The following CCDC66 variants were observed in gnomAD, a reference collection of about 807,000 sequenced individuals.
The protein encoded by CCDC66 is coiled-coil domain containing 66, also known as coiled-coil domain-containing protein 66.
Under a neutral mutation model 128.3 loss-of-function variants are expected in CCDC66, and 133 were observed. That is an observed-to-expected ratio of 1.04 (90% CI 0.90 to 1.20). The LOEUF is 1.20. CCDC66 is among the 50% of genes most tolerant of loss of function. The pLI is 0.00. For missense variants in CCDC66, 1,126 were observed against 1,075.5 expected (o/e 1.05, Z -0.66); for synonymous variants, 387 against 357.0 (o/e 1.08, Z -0.95).
At position 56,601,921 on chromosome 3, in the gene CCDC66, A is replaced by G. The variant is rs140948433; in HGVS notation, c.1404+7893A>G. ...ACAATCATGTCATCTGCAAACAGAG[A>G]CAACTTAACTTCCTCTTTTCCTATT... is the stretch of plus-strand genomic sequence containing the variant. On this transcript the variant is annotated intron_variant, in intron 10 of 17. Transcript: ENST00000394672. Among the ~76,000 whole-genome samples the G allele has an allele frequency of 1.6e-3, 242 of 152,250 alleles. No individual in the cohort carries two copies. The South Asian group carries it at 0.018, about 12-fold the overall frequency.
At chr3:56,613,789 TTG>T (rs2075155544) in intron 11 of CCDC66, 39 bp downstream of exon 11, 10 of 1,557,178 alleles carry the variant, frequency 6.4e-6, no homozygotes, top group African/African-American at 1.4e-5. Context: ...TGGTTTTTGT[TTG>T]TGTTTTTGAG....
intron 7 of CCDC66, among the ~76,000 whole-genome samples, chr3:56,587,669 G>A (rs1182622676): frequency 6.6e-6 from 1 of 152,122 alleles, no homozygotes; most frequent in Non-Finnish European, 1.5e-5. Context: ...TCAGGAGTTC[G>A]AGACCAGCCT....
intron 14 of CCDC66, chr3:56,617,952 A>G (rs758729400): frequency 1.6e-4 from 94 of 587,090 alleles, no homozygotes; most frequent in Non-Finnish European, 2.7e-4. Flanking sequence ...CCCCTTTAAA[A>G]CCCTTGTTTA....
At chr3:56,590,104 G>T (rs2070600348) in intron 7 of CCDC66, among the ~76,000 whole-genome samples, 1 of 152,096 alleles carries the variant, frequency 6.6e-6, no homozygotes, top group Non-Finnish European at 1.5e-5. Flanking sequence ...TTTTCTGCGT[G>T]GCCAGTAGAC....
intron 9 of CCDC66, 59 bp downstream of exon 9, chr3:56,593,800 CTGT>C (rs1363559897): frequency 1.3e-6 from 2 of 1,592,878 alleles, no homozygotes; most frequent in African/African-American, 1.3e-5. Flanking sequence ...TTTAGTAAGA[CTGT>C]TGTTATGTCT....
Position 56,604,626 on chromosome 3 carries a change from C to T in CCDC66, c.1405-8963C>T, listed in dbSNP as rs191845094. Among the ~76,000 whole-genome samples, 213 of 151,670 alleles carry T rather than the reference C, an allele frequency of 1.4e-3. 7 individuals carry two copies. The highest frequency in any genetic ancestry group is 5.0e-3 in the African/African-American group (205 of 41,184). On this transcript the variant is annotated intron_variant, in intron 10 of 17. Coordinates refer to ENST00000394672, the MANE Select transcript of CCDC66 (RefSeq NM_001141947.3). ...TATTGGCCCCAACTCTCTCCTGGCT[C>T]GTAGAGTTTCTGCAGAGAGATCCGC...
chr3:56,588,726 T>TA (rs1366588574), intron 7 of CCDC66, among the ~76,000 whole-genome samples: 1 of 152,178 alleles, frequency 6.6e-6, no homozygotes, highest in East Asian at 1.9e-4. Flanking sequence ...TTAAGCTAGA[T>TA]ATCAGTAACA....
chr3:56,584,634 C>T (rs1047981319), intron 7 of CCDC66, among the ~76,000 whole-genome samples: 7 of 151,520 alleles, frequency 4.6e-5, no homozygotes, highest in Non-Finnish European at 1.0e-4. Context: ...AGGGGCTCCT[C>T]ACATCCCAGA....
At chr3:56,600,186 G>T (rs1358458508) in intron 10 of CCDC66, among the ~76,000 whole-genome samples, 17 of 136,998 alleles carry the variant, frequency 1.2e-4, no homozygotes, top group Non-Finnish European at 2.4e-4. Flanking sequence ...GTCTTGCTCT[G>T]TCGCCAGGCT....
At chr3:56,562,180 A>G (rs898969548) in intron 3 of CCDC66, among the ~76,000 whole-genome samples, 9 of 151,886 alleles carry the variant, frequency 5.9e-5, no homozygotes, top group Non-Finnish European at 2.9e-5. Flanking sequence ...AGCTAGGACT[A>G]CAGGCGCGTG....
Position 56,593,713 on chromosome 3 carries a change from G to A in CCDC66, c.1291G>A (p.Val431Met). 2 of 1,613,766 alleles carry A rather than the reference G, an allele frequency of 1.2e-6. No homozygotes were observed. Among genetic ancestry groups the A allele is most frequent in the South Asian group, 1.1e-5 (1 of 91,088 alleles). Residue 431 changes from valine to methionine, a missense_variant, in exon 9 of 18, where the codon GTG becomes ATG. Transcript: ENST00000394672. ...GCATATAGCAAAACCTATTAAGGAT[G>A]TGGTTATGGCAAACAGTAAGAAAAC... is the stretch of plus-strand genomic sequence containing the variant. ...EEHIAKPIKDVVMANSKKTNF... is the reference protein window; with the variant it reads ...EEHIAKPIKDMVMANSKKTNF...
chr3:56,579,776 G>C (rs2107999256), intron 7 of CCDC66, among the ~76,000 whole-genome samples: 1 of 151,990 alleles, frequency 6.6e-6, no homozygotes, highest in East Asian at 2.0e-4. Context: ...CTGAGAGATA[G>C]TTTGTTAAAA....
In CCDC66 at chr3:56,594,113, C is replaced by A. The variant is rs1045165563; in HGVS notation, c.1404+85C>A. On this transcript the variant is annotated intron_variant, in intron 10 of 17. Transcript: ENST00000394672. ...ACCTAAGTAAATGGAAATTTAAATT[C>A]TGATGTAAACTTTACAGCATAGGTC... 17 of 1,233,096 alleles carry A rather than the reference C, an allele frequency of 1.4e-5. No individual in the cohort carries two copies. The Admixed American group carries it at 2.7e-4, about 20-fold the overall frequency. The allele number at this position is 1,233,096 out of a possible 1,614,324, so 76.4% of individuals were successfully genotyped here. A position where few individuals can be genotyped will look rare whatever the true frequency, so the allele number is the denominator to read the frequency against.
At chr3:56,584,936 A>G (rs1329558713) in intron 7 of CCDC66, among the ~76,000 whole-genome samples, 1 of 152,014 alleles carries the variant, frequency 6.6e-6, no homozygotes, top group East Asian at 2.0e-4. Flanking sequence ...CCAAAAAAAT[A>G]TGAAAACCAG....
intron 1 of CCDC66, chr3:56,557,561 G>C (rs2064490244): frequency 7.6e-6 from 3 of 396,662 alleles, no homozygotes; most frequent in Non-Finnish European, 1.4e-5. Flanking sequence ...GAGAAATGAC[G>C]AGACAGTTAG....
Position 56,564,106 on chromosome 3 carries a change from G to A in CCDC66, c.525G>A (p.Glu175=), listed in dbSNP as rs141268275. ...NQGNRSLSLT[E]NGKEAKSQYS... ...GAAATAGATCTCTTTCCCTGACTGA[G>A]AATGGAAAGGAGGCAAAAAGTAAGA... is the stretch of plus-strand genomic sequence containing the variant. The change falls in exon 4 of 18, where the codon GAG becomes GAA. Residue 175 remains glutamate (E), a synonymous_variant. Coordinates refer to ENST00000394672, the MANE Select transcript of CCDC66 (RefSeq NM_001141947.3). 205 of 1,591,388 alleles carry A rather than the reference G, an allele frequency of 1.3e-4. No individual in the cohort carries two copies. The highest frequency in any genetic ancestry group is 1.6e-4 in the Non-Finnish European group (192 of 1,170,070).
intron 7 of CCDC66, among the ~76,000 whole-genome samples, chr3:56,573,996 A>C (rs569077040): frequency 6.6e-6 from 1 of 151,932 alleles, no homozygotes; most frequent in Non-Finnish European, 1.5e-5. Context: ...AGAAAACGAA[A>C]CACATGCTAT....
At chr3:56,591,989 T>TA (rs1350448874) in intron 7 of CCDC66, among the ~76,000 whole-genome samples, 42 of 152,322 alleles carry the variant, frequency 2.8e-4, no homozygotes, top group African/African-American at 9.6e-4. Flanking sequence ...GTAGAATATA[T>TA]TTTTTTCCTT....
chr3:56,592,601 G>A (rs2071121297), intron 7 of CCDC66, among the ~76,000 whole-genome samples: 1 of 151,400 alleles, frequency 6.6e-6, no homozygotes, highest in Non-Finnish European at 1.5e-5. Flanking sequence ...CTGGGCTCAA[G>A]TGATCTGCCC....
Sources: gnomAD v4.1 joint callset for allele counts (sites outside exome capture counted in the v4.1 genomes callset) on GRCh38, gnomAD v4.1.1 for gene constraint, MANE v1.5 for transcripts, NCBI Gene and HGNC (gene_info 2026-07-23, HGNC 2026-07-21) for gene names.